The following DSCAM variants were observed in gnomAD, a reference collection of about 807,000 sequenced individuals.
DSCAM encodes the protein cell adhesion molecule DSCAM.
DSCAM carries 47 observed loss-of-function variants against 217.7 expected under a neutral mutation model. That is an observed-to-expected ratio of 0.22 (90% CI 0.17 to 0.28). The LOEUF (loss-of-function observed/expected upper bound fraction) is 0.28. DSCAM is among the 10% of genes least tolerant of loss of function. DSCAM has a pLI of 1.00. For synonymous variants in DSCAM, 1,056 were observed against 1,015.3 expected (o/e 1.04, Z -0.76); for missense variants, 2,080 against 2,618.3 (o/e 0.79, Z 4.49).
At chr21:40,784,415 G>A (rs550487172) in intron 1 of DSCAM, among the ~76,000 whole-genome samples, 43 of 152,254 alleles carry the variant, frequency 2.8e-4, no homozygotes, top group Middle Eastern at 3.4e-3. Flanking sequence ...GGAACTATGA[G>A]TCTATTAAAC....
intron 19 of DSCAM, among the ~76,000 whole-genome samples, chr21:40,131,561 G>C (rs2090154765): frequency 6.6e-6 from 1 of 152,146 alleles, no homozygotes; most frequent in Non-Finnish European, 1.5e-5. Flanking sequence ...GAGTAGCTGG[G>C]ATTAGAGGTG....
At chr21:40,038,136 G>A (rs915432343) in intron 32 of DSCAM, among the ~76,000 whole-genome samples, 23 of 151,486 alleles carry the variant, frequency 1.5e-4, no homozygotes, top group Admixed American at 3.3e-4. Context: ...AACACCAAAA[G>A]CAAAGGCAAC....
rs1432859714 is a variant in DSCAM, at chr21:40,296,160, C to T, written c.2077G>A (p.Val693Met). 1 of 1,614,028 alleles carries T rather than the reference C, an allele frequency of 6.2e-7. No individual in the cohort carries two copies. The highest frequency in any genetic ancestry group is 8.5e-7 in the Non-Finnish European group (1 of 1,179,960). ...QLIVRVPPKF[V>M]VQPRDQDGIY... is the part of the protein sequence containing the mutation. ...CCGTCCTGGTCCCGTGGCTGAACCA[C>T]AAACTTGGGAGGAACTGAAAAGAGA... Residue 693 changes from valine (V) to methionine (M), a missense_variant, in exon 10 of 33, where the codon GTG (valine) becomes ATG (methionine). Val to Met is a conservative substitution (Grantham distance 21). Coordinates refer to ENST00000400454, the MANE Select transcript of DSCAM (RefSeq NM_001389.5).
chr21:40,187,527 C>G (rs991176606), intron 13 of DSCAM, among the ~76,000 whole-genome samples: 1 of 152,134 alleles, frequency 6.6e-6, no homozygotes, highest in African/African-American at 2.4e-5. Flanking sequence ...ATCTCTAACT[C>G]AAAACATATT....
chr21:40,504,604 T>C (rs1427476708), intron 3 of DSCAM, among the ~76,000 whole-genome samples: 2 of 152,184 alleles, frequency 1.3e-5, no homozygotes, highest in Non-Finnish European at 2.9e-5. Flanking sequence ...ACATAGGCGA[T>C]GCGAAAGGCT....
intron 3 of DSCAM, among the ~76,000 whole-genome samples, chr21:40,447,969 A>G (rs2075688579): frequency 6.6e-6 from 1 of 152,242 alleles, no homozygotes; most frequent in South Asian, 2.1e-4. Context: ...TTATTTCTAC[A>G]GTTGTTATAA....
intron 1 of DSCAM, among the ~76,000 whole-genome samples, chr21:40,819,884 T>C (rs1172105364): frequency 6.6e-6 from 1 of 152,200 alleles, no homozygotes; most frequent in Non-Finnish European, 1.5e-5. Flanking sequence ...CAAAGGTCCT[T>C]CCATGTCTAA....
chr21:40,272,346 C>A (rs528923286), intron 11 of DSCAM, among the ~76,000 whole-genome samples: 1 of 152,132 alleles, frequency 6.6e-6, no homozygotes, highest in South Asian at 2.1e-4. Flanking sequence ...CAGACAGGAA[C>A]CCCAACAGAG....
At chr21:40,185,366 G>A (rs987667725) in intron 14 of DSCAM, among the ~76,000 whole-genome samples, 1 of 152,202 alleles carries the variant, frequency 6.6e-6, no homozygotes, top group Admixed American at 6.5e-5. Context: ...ATGCGCAAGC[G>A]AGGGTGCAGA....
At chr21:40,302,654 A>G (rs1287004909) in intron 9 of DSCAM, among the ~76,000 whole-genome samples, 1 of 152,206 alleles carries the variant, frequency 6.6e-6, no homozygotes, top group African/African-American at 2.4e-5. Flanking sequence ...TTACGTGCAC[A>G]TAACCAGCAC....
chr21:40,238,037 A>C (rs572979550), intron 11 of DSCAM, among the ~76,000 whole-genome samples: 1 of 152,308 alleles, frequency 6.6e-6, no homozygotes, highest in Non-Finnish European at 1.5e-5. Context: ...CTGTCTACCA[A>C]AGAGCTTGTG....
At chr21:40,757,312 A>G (rs2091286634) in intron 1 of DSCAM, among the ~76,000 whole-genome samples, 1 of 152,230 alleles carries the variant, frequency 6.6e-6, no homozygotes. Flanking sequence ...GGCGTAAGCC[A>G]TCGTGCCCAG....
At chr21:40,512,139 T>A (rs1320483643) in intron 3 of DSCAM, among the ~76,000 whole-genome samples, 1 of 152,016 alleles carries the variant, frequency 6.6e-6, no homozygotes, top group African/African-American at 2.4e-5. Context: ...CAGGAGGAAA[T>A]TAACGTAGCA....
intron 3 of DSCAM, 21 bp from the exon 4 acceptor site, chr21:40,369,266 G>T: frequency 1.2e-6 from 2 of 1,600,024 alleles, no homozygotes; most frequent in African/African-American, 2.7e-5. Flanking sequence ...GGAAAACAGT[G>T]GCTTGGTTAA....
chr21:40,138,626 T>C (rs567884697), intron 18 of DSCAM, among the ~76,000 whole-genome samples: 1 of 130,828 alleles, frequency 7.6e-6, no homozygotes, highest in South Asian at 2.7e-4. Context: ...GAGTGTGTGG[T>C]GTATGTGGGG....
At chr21:40,209,100 C>T (rs961768726) in intron 11 of DSCAM, among the ~76,000 whole-genome samples, 5 of 152,162 alleles carry the variant, frequency 3.3e-5, no homozygotes, top group South Asian at 2.1e-4. Flanking sequence ...CCTGTAGCCA[C>T]GAGGACAATG....
chr21:40,072,710 C>G (rs956614351), intron 27 of DSCAM, among the ~76,000 whole-genome samples: 2 of 152,156 alleles, frequency 1.3e-5, no homozygotes, highest in Non-Finnish European at 2.9e-5. Context: ...TGCCGAACTG[C>G]AGATACCTTT....
chr21:40,068,433 C>T (rs980819610), intron 27 of DSCAM, among the ~76,000 whole-genome samples: 1 of 152,056 alleles, frequency 6.6e-6, no homozygotes, highest in African/African-American at 2.4e-5. Flanking sequence ...ATGTGCCTCT[C>T]TCTGTATATA....
intron 3 of DSCAM, among the ~76,000 whole-genome samples, chr21:40,562,520 C>T (rs935367669): frequency 6.6e-6 from 1 of 152,308 alleles, no homozygotes; most frequent in African/African-American, 2.4e-5. Context: ...GAAAGCTCAG[C>T]ATCATGTTTA....
Sources: gnomAD v4.1 joint callset for allele counts (sites outside exome capture counted in the v4.1 genomes callset) on GRCh38, gnomAD v4.1.1 for gene constraint, MANE v1.5 for transcripts, NCBI Gene and HGNC (gene_info 2026-07-23, HGNC 2026-07-21) for gene names.